The following ACKR2 variants were observed in gnomAD, a reference collection of about 807,000 sequenced individuals.
ACKR2 encodes the protein C-C chemokine receptor D6.
For synonymous variants in ACKR2, 207 were observed against 192.2 expected, an observed-to-expected ratio of 1.08 and a Z score of -0.64; for missense variants, 457 against 477.3, an observed-to-expected ratio of 0.96 and a Z score of 0.40.
chr3:42,848,213 A>ATTTTT (rs36054454), intron 2 of ACKR2, among the ~76,000 whole-genome samples: 10 of 74,920 alleles, frequency 1.3e-4, no homozygotes, highest in Admixed American at 3.9e-4. Flanking sequence ...AAAAAAAAAA[A>ATTTTT]TTTTTTTTTT....
In ACKR2 at chr3:42,852,533, T is replaced by A. The variant is rs1042966804; in HGVS notation, c.-37-11933T>A. ...CCAGGAAACATTGAGTGATGTGGGGTCCCAGGGAGCGTGGGGAGCAGGCAG... is the reference window on the plus strand; with the variant it reads ...CCAGGAAACATTGAGTGATGTGGGGACCCAGGGAGCGTGGGGAGCAGGCAG... On this transcript the variant is annotated intron_variant, in intron 2 of 2. Transcript: ENST00000422265. This position sits in a 1 kb window ranked among gnomAD's most constrained non-coding sequence, Gnocchi z 4.3. 3.9e-5 allele frequency: 6 copies of A among 152,140 alleles called. No individual in the cohort carries two copies. Among genetic ancestry groups the A allele is most frequent in the African/African-American group, 1.4e-4 (6 of 41,404 alleles). The allele number at this position is 152,140 out of a possible 1,614,324, so 9.4% of individuals were successfully genotyped here. A position where few individuals can be genotyped will look rare whatever the true frequency, so the allele number is the denominator to read the frequency against.
chr3:42,860,184 A>AAAAAAAAAAAC (rs2088369128), intron 2 of ACKR2, among the ~76,000 whole-genome samples: 1 of 144,828 alleles, frequency 6.9e-6, no homozygotes, highest in African/African-American at 2.6e-5. Flanking sequence ...AAAAAAAAAA[A>AAAAAAAAAAAC]AAAAAGCAGG....
chr3:42,811,485 AG>A (rs1211800503), intron 1 of ACKR2, among the ~76,000 whole-genome samples: 1 of 152,236 alleles, frequency 6.6e-6, no homozygotes, highest in East Asian at 1.9e-4. Context: ...AACTGCGGAA[AG>A]CCGCAGGGAC....
chr3:42,830,224 A>G (rs1575379752), intron 2 of ACKR2, among the ~76,000 whole-genome samples: 3 of 152,280 alleles, frequency 2.0e-5, no homozygotes, highest in East Asian at 3.9e-4. Context: ...AAGTATGTCT[A>G]AGGAATTGGA....
intron 2 of ACKR2, among the ~76,000 whole-genome samples, chr3:42,822,607 C>G (rs1278678045): frequency 6.6e-6 from 1 of 152,064 alleles, no homozygotes; most frequent in Non-Finnish European, 1.5e-5. Context: ...AATCCCAGCA[C>G]TTTGGGAGGC....
intron 2 of ACKR2, among the ~76,000 whole-genome samples, chr3:42,854,409 C>T (rs908703328): frequency 1.3e-5 from 2 of 152,118 alleles, no homozygotes; most frequent in Admixed American, 6.5e-5. Flanking sequence ...ACCTTCCTGC[C>T]ACTAGTTGCC....
At chr3:42,842,958 C>T (rs1701054310) in intron 2 of ACKR2, among the ~76,000 whole-genome samples, 1 of 135,886 alleles carries the variant, frequency 7.4e-6, no homozygotes, top group Admixed American at 8.1e-5. Flanking sequence ...GCCCTCCAGC[C>T]TGGGTGACAG....
intron 2 of ACKR2, among the ~76,000 whole-genome samples, chr3:42,836,441 G>A (rs1231296212): frequency 2.0e-5 from 3 of 152,106 alleles, no homozygotes; most frequent in African/African-American, 4.8e-5. Context: ...CCTCACTTAG[G>A]TTCTGTGTTC....
chr3:42,831,990 G>A lies in ACKR2; in HGVS notation c.-38+12279G>A, dbSNP rs371616744. ...ACCAATTTATTCAGCCAGAAATTAT[G>A]TCTATGAATTTTGTACTTAGAATTG... On this transcript the variant is annotated intron_variant, in intron 2 of 2. Coordinates refer to ENST00000422265, the MANE Select transcript of ACKR2 (RefSeq NM_001296.5). 2.4e-4 allele frequency among the ~76,000 whole-genome samples: 37 copies of A among 152,326 alleles called. No homozygotes were observed. The South Asian group carries it at 7.5e-3, about 31-fold the overall frequency.
chr3:42,828,820 C>G (rs1700900127), intron 2 of ACKR2, among the ~76,000 whole-genome samples: 1 of 152,160 alleles, frequency 6.6e-6, no homozygotes, highest in South Asian at 2.1e-4. Context: ...AAAATAGAAT[C>G]ATAATGTGAA....
chr3:42,857,801 G>T (rs1028781473), intron 2 of ACKR2, among the ~76,000 whole-genome samples: 1 of 152,228 alleles, frequency 6.6e-6, no homozygotes, highest in Non-Finnish European at 1.5e-5. Context: ...CCAAAGCCAG[G>T]GTGGATGCAT....
chr3:42,841,603 G>A (rs1701040122), intron 2 of ACKR2: 1 of 152,188 alleles, frequency 6.6e-6, no homozygotes, highest in African/African-American at 2.4e-5. Context: ...TGTTAAACAA[G>A]GCAAGATCAC....
At chr3:42,850,864 G>GC (rs1448547481) in intron 2 of ACKR2, 1 of 152,452 alleles carries the variant, frequency 6.6e-6, no homozygotes, top group Non-Finnish European at 1.5e-5. Context: ...GAGGGAAGAT[G>GC]ATTTGGAAAG....
At chr3:42,862,117 A>G (rs1045456512) in intron 2 of ACKR2, among the ~76,000 whole-genome samples, 4 of 152,232 alleles carry the variant, frequency 2.6e-5, no homozygotes, top group Non-Finnish European at 5.9e-5. Flanking sequence ...AGAAAACCCC[A>G]TCGCCTCAGC....
intron 1 of ACKR2, among the ~76,000 whole-genome samples, chr3:42,813,842 A>G (rs771431861): frequency 6.6e-6 from 1 of 152,230 alleles, no homozygotes; most frequent in Admixed American, 6.5e-5. Context: ...CTGTTGAGGA[A>G]TAGATGGAAT....
chr3:42,860,591 A>T (rs2088375657), intron 2 of ACKR2, among the ~76,000 whole-genome samples: 1 of 152,244 alleles, frequency 6.6e-6, no homozygotes, highest in African/African-American at 2.4e-5. Flanking sequence ...ACTTATTCTA[A>T]AACTGACCAC....
intron 2 of ACKR2, among the ~76,000 whole-genome samples, chr3:42,830,601 TG>T (rs1391832852): frequency 3.9e-5 from 6 of 152,290 alleles, no homozygotes; most frequent in African/African-American, 1.2e-4. Flanking sequence ...AGCTCCCCGC[TG>T]GTGAAATCCT....
At chr3:42,827,485 C>T (rs1700880497) in intron 2 of ACKR2, among the ~76,000 whole-genome samples, 1 of 152,134 alleles carries the variant, frequency 6.6e-6, no homozygotes, top group Non-Finnish European at 1.5e-5. Context: ...TGAAACCTTA[C>T]TTCTAGTGGT....
At chr3:42,831,523 GT>G (rs1169313039) in intron 2 of ACKR2, among the ~76,000 whole-genome samples, 1 of 152,200 alleles carries the variant, frequency 6.6e-6, no homozygotes, top group African/African-American at 2.4e-5. Flanking sequence ...CTGCTTGCCA[GT>G]TTTGACCCAT....
Sources: gnomAD v4.1 joint callset for allele counts (sites outside exome capture counted in the v4.1 genomes callset) on GRCh38, gnomAD v4.1.1 for gene constraint, Gnocchi (gnomAD v3.1) non-coding constraint, MANE v1.5 for transcripts, NCBI Gene and HGNC (gene_info 2026-07-23, HGNC 2026-07-21) for gene names.